The following TOX3 variants were observed in gnomAD, a reference collection of about 807,000 sequenced individuals.
The protein encoded by TOX3 is TOX high mobility group box family member 3, also known as CAG trinucleotide repeat-containing gene F9 protein.
A neutral mutation model predicts 64.3 loss-of-function variants in TOX3; 22 were observed. The observed-to-expected ratio is 0.34, with a 90% CI of 0.24 to 0.49. The LOEUF is 0.49. Among genes scored for constraint, TOX3 ranks in the 20% least tolerant of loss-of-function variants. The probability of loss-of-function intolerance (pLI) is 0.99; values close to 1 mark genes in which losing one functional copy is unlikely to be tolerated. For missense variants in TOX3, 661 were observed against 714.4 expected, an observed-to-expected ratio of 0.93 and a Z score of 0.85; for synonymous variants, 291 against 273.6, an observed-to-expected ratio of 1.06 and a Z score of -0.63.
At chr16:52,466,684 T>C (rs149038360) in intron 2 of TOX3, among the ~76,000 whole-genome samples, 2 of 152,324 alleles carry the variant, frequency 1.3e-5, no homozygotes, top group African/African-American at 2.4e-5. Flanking sequence ...AGATGTCATA[T>C]GCAATATGTC....
rs1401070456 is a variant in TOX3 at position 52,446,203 on chromosome 16, C to G, written c.697G>C (p.Ala233Pro). The G allele has an allele frequency of 6.2e-7, 1 of 1,613,262 alleles. No homozygotes were observed. Among genetic ancestry groups the G allele is most frequent in the Non-Finnish European group, 8.5e-7 (1 of 1,179,766 alleles). Residue 233 changes from alanine to proline, a missense_variant, in exon 5 of 7, where the codon GCT becomes CCT. Physicochemically the swap from Ala to Pro is conservative, Grantham distance 27 (BLOSUM62 -1). Around this residue, in one of 3 missense-constraint regions of TOX3, gnomAD observed 103 missense variants for 161.2 expected, o/e 0.64. Transcript: ENST00000219746. ...EANRAIGEKR[A>P]APDSGKKPKT... ...GGCTTCTTGCCAGAGTCTGGAGCAGCTCTTTTCTCTCCAATGGCCTGCAAA... is the reference window on the plus strand; with the variant it reads ...GGCTTCTTGCCAGAGTCTGGAGCAGGTCTTTTCTCTCCAATGGCCTGCAAA...
At position 52,444,336 on chromosome 16, in the gene TOX3, T is replaced by A; in HGVS notation, c.927A>T (p.Glu309Asp). Residue 309 changes from glutamate (E) to aspartate (D), a missense_variant, in exon 6 of 7, where the codon GAA becomes GAT. Glu to Asp is a conservative substitution (Grantham distance 45, BLOSUM62 2). Coordinates refer to ENST00000219746, the MANE Select transcript of TOX3 (RefSeq NM_001080430.4). ...EQKQVYKRKT[E>D]AAKKEYLKAL... ...CCTTCAGGTATTCTTTTTTGGCAGC[T>A]TCTGTTTTCCTTTTATATACCTATT... is the stretch of plus-strand genomic sequence containing the variant. 6.3e-7 allele frequency: 1 copy of A among 1,585,132 alleles called. No homozygotes were observed. Among genetic ancestry groups the A allele is most frequent in the Non-Finnish European group, 8.6e-7 (1 of 1,163,712 alleles).
chr16:52,474,955 T>C (rs1233225782), intron 1 of TOX3, among the ~76,000 whole-genome samples: 1 of 152,112 alleles, frequency 6.6e-6, no homozygotes, highest in Non-Finnish European at 1.5e-5. Context: ...CCCAGACATG[T>C]TCCCACCCCA....
chr16:52,463,038 C>G (rs1296323345), intron 3 of TOX3, among the ~76,000 whole-genome samples: 1 of 151,962 alleles, frequency 6.6e-6, no homozygotes, highest in Non-Finnish European at 1.5e-5. Flanking sequence ...AACAATGAAG[C>G]CAATAAACAT....
At chr16:52,498,214 T>G (rs1409635429) in intron 1 of TOX3, among the ~76,000 whole-genome samples, 1 of 152,212 alleles carries the variant, frequency 6.6e-6, no homozygotes, top group African/African-American at 2.4e-5. Context: ...AGAAAATCAA[T>G]GGCACTTCAA....
chr16:52,467,338 G>A (rs1018514145), intron 2 of TOX3, among the ~76,000 whole-genome samples: 14 of 152,174 alleles, frequency 9.2e-5, no homozygotes, highest in African/African-American at 3.4e-4. Context: ...CAACACAGCA[G>A]CCAGTGCCAA....
Position 52,543,103 on chromosome 16 carries a change from G to A in TOX3, c.87+3534C>T, listed in dbSNP as rs780066703. 1.2e-3 allele frequency among the ~76,000 whole-genome samples: 175 copies of A among 152,128 alleles called. 1 individual carries two copies. Among genetic ancestry groups the A allele is most frequent in the Non-Finnish European group, 2.0e-3 (134 of 68,010 alleles). On this transcript the variant is annotated intron_variant, in intron 1 of 6. Coordinates refer to ENST00000219746, the MANE Select transcript of TOX3 (RefSeq NM_001080430.4). ...AATATGCAGAAATAGCTAGTAACTG[G>A]AGTTTAGTCCAAGTTTGTTAACAAC...
intron 1 of TOX3, among the ~76,000 whole-genome samples, chr16:52,470,994 T>C (rs1453920964): frequency 6.6e-6 from 1 of 152,330 alleles, no homozygotes; most frequent in East Asian, 1.9e-4. Flanking sequence ...TATTGACTTG[T>C]TGCAGGCAAT....
intron 1 of TOX3, among the ~76,000 whole-genome samples, chr16:52,495,251 CT>C (rs1254235560): frequency 6.6e-6 from 1 of 152,132 alleles, no homozygotes; most frequent in East Asian, 1.9e-4. Context: ...AACAGAAGAG[CT>C]TCCTAATTCC....
intron 3 of TOX3, among the ~76,000 whole-genome samples, chr16:52,451,605 T>C (rs1960350213): frequency 6.6e-6 from 1 of 152,226 alleles, no homozygotes; most frequent in African/African-American, 2.4e-5. Context: ...CACAAGCCTA[T>C]GAATTCTTAA....
chr16:52,474,406 C>T (rs887168941), intron 1 of TOX3, among the ~76,000 whole-genome samples: 3 of 152,004 alleles, frequency 2.0e-5, no homozygotes, highest in Admixed American at 6.6e-5. Flanking sequence ...GACAAAGAGG[C>T]CTTTCGAAAA....
At chr16:52,462,414 T>C (rs1197638001) in intron 3 of TOX3, among the ~76,000 whole-genome samples, 1 of 152,122 alleles carries the variant, frequency 6.6e-6, no homozygotes, top group Non-Finnish European at 1.5e-5. Flanking sequence ...TCAAAATGCC[T>C]CCTTTACACT....
chr16:52,540,606 C>T (rs936807657), intron 1 of TOX3, among the ~76,000 whole-genome samples: 5 of 152,084 alleles, frequency 3.3e-5, no homozygotes, highest in Admixed American at 6.5e-5. Context: ...AGGGTTGGTA[C>T]GCAACCCATT....
chr16:52,520,633 G>C (rs1962585754), intron 1 of TOX3, among the ~76,000 whole-genome samples: 1 of 152,132 alleles, frequency 6.6e-6, no homozygotes, highest in Non-Finnish European at 1.5e-5. Flanking sequence ...AAAGTAATAT[G>C]GTGCATATTC....
intron 6 of TOX3, among the ~76,000 whole-genome samples, chr16:52,441,497 C>A (rs1376805799): frequency 1.3e-5 from 2 of 152,142 alleles, no homozygotes; most frequent in African/African-American, 4.8e-5. Flanking sequence ...ACTAAAAACA[C>A]TTCACTGCCT....
At chr16:52,452,189 G>T (rs1486999849) in intron 3 of TOX3, among the ~76,000 whole-genome samples, 1 of 152,162 alleles carries the variant, frequency 6.6e-6, no homozygotes, top group East Asian at 1.9e-4. Context: ...ATTAACAATG[G>T]TTACATTATA....
intron 1 of TOX3, among the ~76,000 whole-genome samples, chr16:52,511,839 G>GA (rs35327801): frequency 0.16 from 24,844 of 152,074 alleles, 2,376 homozygotes; most frequent in Middle Eastern, 0.26. Flanking sequence ...AGTGCATGGA[G>GA]AAAAAATATT....
At chr16:52,487,265 A>G (rs1961557227) in intron 1 of TOX3, among the ~76,000 whole-genome samples, 2 of 151,474 alleles carry the variant, frequency 1.3e-5, no homozygotes, top group South Asian at 4.2e-4. Flanking sequence ...TAATCCCACA[A>G]TCCTCTCCAT....
intron 1 of TOX3, among the ~76,000 whole-genome samples, chr16:52,476,264 T>G (rs1332282736): frequency 6.6e-6 from 1 of 152,160 alleles, no homozygotes; most frequent in African/African-American, 2.4e-5. Context: ...GTAACAACAA[T>G]GCCTAAACAT....
Sources: gnomAD v4.1 joint callset for allele counts (sites outside exome capture counted in the v4.1 genomes callset) on GRCh38, gnomAD v4.1.1 for gene constraint, gnomAD v4.1.1 regional missense constraint, MANE v1.5 for transcripts, NCBI Gene and HGNC (gene_info 2026-07-23, HGNC 2026-07-21) for gene names.